The following ANK2 variants were observed in gnomAD, a reference collection of about 807,000 sequenced individuals.
The protein encoded by ANK2 is ankyrin-2.
In ANK2, 83 loss-of-function variants were observed where a neutral mutation model predicts 360.5. The observed-to-expected ratio is 0.23, with a 90% CI of 0.19 to 0.28. The LOEUF (loss-of-function observed/expected upper bound fraction) is 0.28, where lower values mean the gene tolerates loss of function less well. Among genes scored for constraint, ANK2 ranks in the 10% least tolerant of loss-of-function variants. The pLI is 1.00. For synonymous variants in ANK2, 1,740 were observed against 1,759.5 expected, an observed-to-expected ratio of 0.99 and a Z score of 0.28; for missense variants, 4,201 against 4,795.7, an observed-to-expected ratio of 0.88 and a Z score of 3.66.
At chr4:112,990,193 CA>C (rs1428879629) in intron 2 of ANK2, among the ~76,000 whole-genome samples, 2 of 152,076 alleles carry the variant, frequency 1.3e-5, no homozygotes, top group Non-Finnish European at 2.9e-5. Flanking sequence ...AGCTTGAGCC[CA>C]AGACTTTGAG....
chr4:113,360,692 C>T (rs980290641), intron 38 of ANK2, 131 bp from the exon 39 acceptor site: 2 of 785,874 alleles, frequency 2.5e-6, no homozygotes, highest in South Asian at 1.5e-5. Flanking sequence ...ACAATATGAT[C>T]TGAAATGTAG....
At chr4:113,017,350 T>C (rs1383914686) in intron 2 of ANK2, among the ~76,000 whole-genome samples, 1 of 151,906 alleles carries the variant, frequency 6.6e-6, no homozygotes, top group Non-Finnish European at 1.5e-5. Flanking sequence ...ATATAAGCTC[T>C]ACAGAATTTT....
intron 1 of ANK2, among the ~76,000 whole-genome samples, chr4:113,098,539 A>G (rs1205307442): frequency 1.3e-5 from 2 of 152,074 alleles, no homozygotes; most frequent in Admixed American, 1.3e-4. Context: ...AATCAAATCA[A>G]TGGTTAATAA....
chr4:113,346,941 T>C (rs1416428095), intron 35 of ANK2, among the ~76,000 whole-genome samples: 1 of 152,182 alleles, frequency 6.6e-6, no homozygotes, highest in Non-Finnish European at 1.5e-5. Context: ...TTAACCAATA[T>C]TTCTTTTGAA....
the ANK2 span, among the ~76,000 whole-genome samples, chr4:112,791,479 CTTTT>C: frequency 1.4e-3 from 128 of 93,880 alleles, no homozygotes; most frequent in African/African-American, 3.7e-3. Flanking sequence ...TCTTCTTCTT[CTTTT>C]TTTTTTTTTT....
At chr4:112,733,798 G>T in the ANK2 span, among the ~76,000 whole-genome samples, 3 of 152,068 alleles carry the variant, frequency 2.0e-5, no homozygotes, top group African/African-American at 7.2e-5. Flanking sequence ...TTTTTGAGAC[G>T]GAGTCTCACC....
intron 1 of ANK2, among the ~76,000 whole-genome samples, chr4:112,846,097 C>T (rs1056552364): frequency 2.0e-5 from 3 of 152,026 alleles, no homozygotes; most frequent in Non-Finnish European, 4.4e-5. Flanking sequence ...CTGCTTCTTT[C>T]CTTCCTATTA....
intron 1 of ANK2, among the ~76,000 whole-genome samples, chr4:113,128,934 A>G (rs1317395087): frequency 6.6e-6 from 1 of 152,236 alleles, no homozygotes; most frequent in African/African-American, 2.4e-5. Flanking sequence ...CCTAGCCTGC[A>G]TCTTGGTTTC....
chr4:113,326,048 C>T (rs1228107000), intron 26 of ANK2, among the ~76,000 whole-genome samples: 2 of 152,180 alleles, frequency 1.3e-5, no homozygotes, highest in Non-Finnish European at 2.9e-5. Context: ...TTGATTCAGT[C>T]AACTCCAGTA....
At chr4:113,250,765 C>G (rs907614994) in intron 10 of ANK2, among the ~76,000 whole-genome samples, 1 of 141,546 alleles carries the variant, frequency 7.1e-6, no homozygotes, top group East Asian at 2.1e-4. Flanking sequence ...GCCCCCCCCC[C>G]CGACAGAGTT....
chr4:112,747,451 TTGG>T, the ANK2 span, among the ~76,000 whole-genome samples: 1 of 152,134 alleles, frequency 6.6e-6, no homozygotes. Context: ...CATGTGAAAA[TTGG>T]TGGTTTATGT....
chr4:113,149,874 CAAAAAAAAAAAAAA>C (rs34667216), intron 1 of ANK2, among the ~76,000 whole-genome samples: 3 of 31,402 alleles, frequency 9.6e-5, no homozygotes, highest in Admixed American at 5.9e-4. Context: ...GACCCTGCCT[CAAAAAAAAAAAAAA>C]AAAAAAAAAA....
intron 1 of ANK2, among the ~76,000 whole-genome samples, chr4:112,863,957 C>T (rs1278493193): frequency 1.3e-5 from 2 of 151,942 alleles, no homozygotes; most frequent in Non-Finnish European, 2.9e-5. Flanking sequence ...TACTATTATT[C>T]AAAGAATTAC....
chr4:112,898,338 G>A lies in ANK2; in HGVS notation c.-39-6117G>A, dbSNP rs79833517. Among the ~76,000 whole-genome samples, 497 of 152,164 alleles carry A rather than the reference G, an allele frequency of 3.3e-3. 3 individuals carry two copies. Among genetic ancestry groups the A allele is most frequent in the African/African-American group, 0.011 (474 of 41,514 alleles). On this transcript the variant is annotated intron_variant, in intron 1 of 30. Coordinates refer to the ANK2 transcript ENST00000503271. ...GTCGTGTCTTATTAGTCTCCTCTTG[G>A]CTGTAACAGCTTCATGGGCTTTCTT...
At chr4:113,285,556 G>A (rs1045628251) in intron 18 of ANK2, among the ~76,000 whole-genome samples, 2 of 152,168 alleles carry the variant, frequency 1.3e-5, no homozygotes, top group Non-Finnish European at 2.9e-5. Context: ...ATGAAGATGA[G>A]GAGACACATA....
chr4:112,957,779 G>GCTGCAATCTC (rs2030999608), intron 2 of ANK2, among the ~76,000 whole-genome samples: 1 of 146,344 alleles, frequency 6.8e-6, no homozygotes, highest in Non-Finnish European at 1.5e-5. Flanking sequence ...CCGGGCGGAG[G>GCTGCAATCTC]GGCTCCTCAC....
intron 24 of ANK2, among the ~76,000 whole-genome samples, chr4:113,315,857 A>G (rs2082625659): frequency 7.0e-6 from 1 of 141,902 alleles, no homozygotes; most frequent in South Asian, 2.2e-4. Context: ...CGATCGCGCC[A>G]CTGCACTCCA....
In ANK2 at chr4:113,381,729, T is replaced by C; in HGVS notation, c.*258T>C. The C allele has an allele frequency of 7.4e-7, 1 of 1,354,898 alleles. No homozygotes were observed. The highest frequency in any genetic ancestry group is 1.0e-6 in the Non-Finnish European group (1 of 992,320). 83.9% of individuals were successfully genotyped at this position (1,354,898 alleles called of 1,614,324 possible). A position where few individuals can be genotyped will look rare whatever the true frequency, so the allele number is the denominator to read the frequency against. ...TAGGGGAGTGACCTAACTGGCCTAA[T>C]TAATGGGATACCCCGACATTTCCAC... On this transcript the variant is annotated 3_prime_UTR_variant, in exon 46 of 46. Coordinates refer to ENST00000357077, the MANE Select transcript of ANK2 (RefSeq NM_001148.6).
rs780968977 is a variant in ANK2 at position 113,343,074 on chromosome 4, A to G, written c.4180A>G (p.Lys1394Glu). The change falls in exon 34 of 46, where the codon AAA becomes GAA. Residue 1394 changes from lysine (K) to glutamate (E), a missense_variant. Physicochemically the swap from Lys to Glu is moderately conservative, Grantham distance 56. Transcript: ENST00000357077. ...DCFGNLVPLT[K>E]SGQHHIFSFF... The stretch of plus-strand genomic sequence containing the variant: ...TTTCGGCAACTTGGTACCATTAACT[A>G]AAAGTGGCCAGCATCATATATTCAG... 2 of 1,613,710 alleles carry G rather than the reference A, an allele frequency of 1.2e-6. No homozygotes were observed. Among genetic ancestry groups the G allele is most frequent in the Non-Finnish European group, 1.7e-6 (2 of 1,179,764 alleles).
Sources: gnomAD v4.1 joint callset for allele counts (sites outside exome capture counted in the v4.1 genomes callset) on GRCh38, gnomAD v4.1.1 for gene constraint, MANE v1.5 for transcripts, NCBI Gene and HGNC (gene_info 2026-07-23, HGNC 2026-07-21) for gene names.